NEDD4L: variants seen among roughly 807,000 people sequenced by gnomAD.
NEDD4L encodes NEDD4 like E3 ubiquitin protein ligase, also known as E3 ubiquitin-protein ligase NEDD4-like.
A neutral mutation model predicts 148.9 loss-of-function variants in NEDD4L; 54 were observed. That is an observed-to-expected ratio of 0.36 (90% CI 0.29 to 0.45). The LOEUF is 0.45. NEDD4L is among the 20% of genes least tolerant of loss of function. NEDD4L has a pLI of 1.00. For synonymous variants in NEDD4L, 433 were observed against 440.7 expected (o/e 0.98, Z 0.22); for missense variants, 856 against 1,233.8 (o/e 0.69, Z 4.59).
chr18:58,214,148 TC>T (rs1412259062), intron 2 of NEDD4L, among the ~76,000 whole-genome samples: 2 of 144,132 alleles, frequency 1.4e-5, no homozygotes, highest in African/African-American at 5.0e-5. Context: ...AAATGAAGCT[TC>T]CTGATAAATC....
rs180970562 is a variant in NEDD4L, at chr18:58,195,746, G to A, written c.122+29885G>A. ...TGCCTGGAATCTGGTAAGTGCCACC[G>A]AAGGTTCCGTTCCCTTTATTACTCG... On this transcript the variant is annotated intron_variant, in intron 2 of 30. Transcript: ENST00000400345. The A allele has an allele frequency of 2.4e-3, 3,157 of 1,341,560 alleles. 10 individuals are homozygous for A. The highest frequency in any genetic ancestry group is 2.3e-3 in the Non-Finnish European group (2,305 of 1,012,180). The allele number at this position is 1,341,560 out of a possible 1,614,324, so 83.1% of individuals were successfully genotyped here.
intron 1 of NEDD4L, among the ~76,000 whole-genome samples, chr18:58,060,333 C>G (rs953652411): frequency 1.6e-4 from 25 of 152,140 alleles, no homozygotes; most frequent in Non-Finnish European, 3.2e-4. Flanking sequence ...AGACTGGTCT[C>G]GAACCCCTGG....
chr18:58,359,905 G>GA, intron 19 of NEDD4L: 1 of 152,370 alleles, frequency 6.6e-6, no homozygotes, highest in Non-Finnish European at 1.5e-5. Flanking sequence ...GTGACAGTCT[G>GA]AGAGTGGTAA....
intron 13 of NEDD4L, among the ~76,000 whole-genome samples, chr18:58,336,315 C>T (rs1355770728): frequency 2.0e-5 from 3 of 152,168 alleles, no homozygotes; most frequent in East Asian, 3.9e-4. Flanking sequence ...CGGTGGCTCA[C>T]GCCTGTAATC....
chr18:58,227,732 C>A, intron 2 of NEDD4L: 1 of 205,208 alleles, frequency 4.9e-6, no homozygotes, highest in Non-Finnish European at 8.5e-6. Flanking sequence ...GTTCAACATG[C>A]TGCAGTTACG....
chr18:58,389,279 C>G, intron 28 of NEDD4L, 87 bp downstream of exon 28: 3 of 940,660 alleles, frequency 3.2e-6, no homozygotes, highest in Non-Finnish European at 4.9e-6. Context: ...GGTCTGACTT[C>G]AGGACTGATG....
At chr18:58,303,496 T>C (rs563241638) in intron 5 of NEDD4L, among the ~76,000 whole-genome samples, 1 of 152,318 alleles carries the variant, frequency 6.6e-6, no homozygotes, top group South Asian at 2.1e-4. Context: ...TAACTTTTGC[T>C]CTTGATCTTA....
chr18:58,231,763 C>T (rs112603698), intron 2 of NEDD4L, among the ~76,000 whole-genome samples: 9,607 of 152,174 alleles, frequency 0.063, 868 homozygotes, highest in African/African-American at 0.2. Flanking sequence ...GGGGCTTCAC[C>T]ATGTTGGCCA....
chr18:58,215,168 G>A (rs2043042760), intron 2 of NEDD4L, among the ~76,000 whole-genome samples: 2 of 152,110 alleles, frequency 1.3e-5, no homozygotes, highest in South Asian at 4.2e-4. Flanking sequence ...TCCCATAGTT[G>A]AATTCCTGGT....
chr18:58,382,158 G>A (rs1415246795), intron 24 of NEDD4L, among the ~76,000 whole-genome samples: 1 of 152,260 alleles, frequency 6.6e-6, no homozygotes, highest in Non-Finnish European at 1.5e-5. Context: ...CCATCTCAGT[G>A]TGAATGGGAA....
intron 11 of NEDD4L, among the ~76,000 whole-genome samples, chr18:58,333,278 TAAAA>T (rs910110108): frequency 7.7e-6 from 1 of 129,350 alleles, no homozygotes; most frequent in Non-Finnish European, 1.7e-5. Flanking sequence ...ACTCTATATT[TAAAA>T]AAAAAAAAAA....
intron 2 of NEDD4L, among the ~76,000 whole-genome samples, chr18:58,183,149 A>G (rs1437668456): frequency 6.6e-6 from 1 of 152,230 alleles, no homozygotes; most frequent in Non-Finnish European, 1.5e-5. Flanking sequence ...GGGTTGCCAC[A>G]TGGAGGTTGC....
intron 21 of NEDD4L, among the ~76,000 whole-genome samples, 194 bp from the exon 22 acceptor site, chr18:58,367,552 G>A (rs1440022430): frequency 6.6e-6 from 1 of 152,210 alleles, no homozygotes; most frequent in Non-Finnish European, 1.5e-5. Context: ...ACTTTAGAGG[G>A]CACATGCGTC....
chr18:58,286,803 C>T (rs2053968399), intron 5 of NEDD4L, among the ~76,000 whole-genome samples: 1 of 152,070 alleles, frequency 6.6e-6, no homozygotes, highest in African/African-American at 2.4e-5. Flanking sequence ...ATGTTGGGAC[C>T]ACAGTGATGA....
At chr18:58,391,631 G>T in intron 30 of NEDD4L, 72 bp downstream of exon 30, 1 of 1,055,534 alleles carries the variant, frequency 9.5e-7, no homozygotes, top group South Asian at 1.4e-5. Context: ...CTGGGCTCAA[G>T]GCTATTGAAT....
intron 1 of NEDD4L, among the ~76,000 whole-genome samples, chr18:58,097,621 A>G (rs886788756): frequency 9.2e-5 from 14 of 152,246 alleles, no homozygotes; most frequent in African/African-American, 3.1e-4. Flanking sequence ...CCTTCTGAAT[A>G]GACACACACT....
At chr18:58,243,762 T>C (rs1402824964) in intron 2 of NEDD4L, among the ~76,000 whole-genome samples, 1 of 152,186 alleles carries the variant, frequency 6.6e-6, no homozygotes, top group African/African-American at 2.4e-5. Context: ...GCTTAGATGT[T>C]ATTTAACCAA....
rs115364125 is a variant in NEDD4L at position 58,391,536 on chromosome 18, G to A, written c.2802G>A (p.Glu934=). ...CAATAGAGCAATGGGGCAGTCCTGA[G>A]AAACTGCCCAGAGCTCACACATGGT... ...LFTIEQWGSP[E]KLPRAHTCFN... Residue 934 remains glutamate (E), a synonymous_variant, in exon 30 of 31, where the codon GAG becomes GAA. Coordinates refer to ENST00000400345, the MANE Select transcript of NEDD4L (RefSeq NM_001144967.3). 1,375 of 1,580,640 alleles carry A rather than the reference G, an allele frequency of 8.7e-4. 11 individuals carry two copies. In the African/African-American group the frequency reaches 0.017, roughly 20 times the overall value.
chr18:58,314,615 C>A (rs935784911), intron 5 of NEDD4L: 1 of 152,172 alleles, frequency 6.6e-6, no homozygotes, highest in Admixed American at 6.5e-5. Context: ...TCTGTGGGCA[C>A]CTCCTCTTAC....
Sources: gnomAD v4.1 joint callset for allele counts (sites outside exome capture counted in the v4.1 genomes callset) on GRCh38, gnomAD v4.1.1 for gene constraint, MANE v1.5 for transcripts, NCBI Gene and HGNC (gene_info 2026-07-23, HGNC 2026-07-21) for gene names.